Variants in MBP observed in about 807,000 individuals in gnomAD.
The protein encoded by MBP is myelin basic protein.
MBP carries 16 observed loss-of-function variants against 35.8 expected under a neutral mutation model. The ratio of observed to expected loss-of-function variants is 0.45; its 90% CI spans 0.30 to 0.68. The LOEUF is 0.68. MBP is among the 30% of genes least tolerant of loss of function. The probability of loss-of-function intolerance (pLI) is 0.08; values close to 1 mark genes in which losing one functional copy is unlikely to be tolerated. For missense variants in MBP, 380 were observed against 404.7 expected (o/e 0.94, Z 0.52); for synonymous variants, 143 against 159.6 (o/e 0.90, Z 0.78).
rs940526709 is a variant in MBP at position 77,015,110 on chromosome 18, C to G, written c.576+1722G>C. 5.1e-6 allele frequency: 5 copies of G among 982,780 alleles called. No individual in the cohort carries two copies. In the African/African-American group the frequency reaches 8.7e-5, roughly 17 times the overall value. 60.9% of individuals were successfully genotyped at this position (982,780 alleles called of 1,614,324 possible). ...TCTTACCATAAAGGAAGAAAAACAT[C>G]TATGTGTGTCAATATTGTTTTGAGA... On this transcript the variant is annotated intron_variant, in intron 4 of 8. Transcript: ENST00000355994.
Position 77,129,877 on chromosome 18 carries a change from A to G in MBP, c.-26+2703T>C, listed in dbSNP as rs568100044. Among the ~76,000 whole-genome samples, 7 of 152,060 alleles carry G rather than the reference A, an allele frequency of 4.6e-5. No individual in the cohort carries two copies. In the South Asian group the frequency reaches 1.5e-3, roughly 32 times the overall value. ...AGGCCCCATCTTTACTAAAAAACAAAAACAAACAAAAAAACGCAAAAATCA... is the reference window on the plus strand; with the variant it reads ...AGGCCCCATCTTTACTAAAAAACAAGAACAAACAAAAAAACGCAAAAATCA... On this transcript the variant is annotated intron_variant, in intron 1 of 8. Transcript: ENST00000355994.
intron 4 of MBP, among the ~76,000 whole-genome samples, chr18:76,997,687 CT>C (rs60063911): frequency 7.1e-4 from 105 of 146,878 alleles, no homozygotes; most frequent in South Asian, 1.3e-3. Context: ...ATCTGAGCCA[CT>C]TTTTTTTTTT....
intron 3 of MBP, among the ~76,000 whole-genome samples, chr18:77,057,589 C>T (rs1416870723): frequency 6.6e-6 from 1 of 152,148 alleles, no homozygotes; most frequent in Non-Finnish European, 1.5e-5. Flanking sequence ...GGAGCTCCCG[C>T]GACTGCCAGG....
At chr18:77,032,590 G>A (rs1972584958) in intron 3 of MBP, among the ~76,000 whole-genome samples, 1 of 152,244 alleles carries the variant, frequency 6.6e-6, no homozygotes, top group African/African-American at 2.4e-5. Flanking sequence ...CTGTGAGGCT[G>A]CACACACTGA....
intron 1 of MBP, among the ~76,000 whole-genome samples, chr18:77,107,304 C>A (rs145558041): frequency 5.3e-5 from 8 of 152,152 alleles, no homozygotes; most frequent in Non-Finnish European, 5.9e-5. Flanking sequence ...CTCCTATCAC[C>A]GGCTGTGTTC....
chr18:77,055,190 G>A (rs979537300), intron 3 of MBP, among the ~76,000 whole-genome samples: 5 of 152,182 alleles, frequency 3.3e-5, no homozygotes, highest in African/African-American at 9.7e-5. Flanking sequence ...AACAGCAGGC[G>A]GCTTTGCTGC....
chr18:77,016,153 GT>G (rs34095806), intron 4 of MBP: 692 of 933,324 alleles, frequency 7.4e-4, no homozygotes, highest in Non-Finnish European at 8.1e-4. Context: ...CCATAGCAGA[GT>G]TTTTTTTTTT....
At chr18:77,075,913 G>T (rs1198720271) in intron 2 of MBP, among the ~76,000 whole-genome samples, 2 of 152,204 alleles carry the variant, frequency 1.3e-5, no homozygotes, top group Non-Finnish European at 2.9e-5. Context: ...GGTCTCAGGG[G>T]ACTGTTGGCC....
chr18:77,005,758 G>A (rs510527), intron 4 of MBP: 93,976 of 152,336 alleles, frequency 0.62, 31,012 homozygotes, highest in Non-Finnish European at 0.74. Flanking sequence ...GGGCCAGCAG[G>A]GCTTTTAGAG....
intron 1 of MBP, chr18:77,112,818 G>A (rs1474832897): frequency 6.6e-6 from 1 of 152,276 alleles, no homozygotes; most frequent in Non-Finnish European, 1.5e-5. Context: ...CTGACCCCAG[G>A]ACCTGTGAAG....
rs112803501 is a variant in MBP, at chr18:77,014,578, TAAAAAC to T, written c.576+2248_576+2253del. 23 of 985,306 alleles carry T rather than the reference TAAAAAC, an allele frequency of 2.3e-5. No homozygotes were observed. The African/African-American group carries it at 3.0e-4, about 13-fold the overall frequency. The allele number at this position is 985,306 out of a possible 1,614,324, so 61.0% of individuals were successfully genotyped here. A position where few individuals can be genotyped will look rare whatever the true frequency, so the allele number is the denominator to read the frequency against. ...TTGTAAACAGAACAACAAATAAAAATAAAAACAAAACCAAAAATTCCTCCATGGCAG... is the reference window on the plus strand; with the variant it reads ...TTGTAAACAGAACAACAAATAAAAATAAAACCAAAAATTCCTCCATGGCAG... On this transcript the variant is annotated intron_variant, in intron 4 of 8. Coordinates refer to ENST00000355994, the MANE Select transcript of MBP (RefSeq NM_001025101.2).
chr18:77,041,929 TAA>T (rs11370656), intron 3 of MBP, among the ~76,000 whole-genome samples: 110 of 146,378 alleles, frequency 7.5e-4, no homozygotes, highest in African/African-American at 2.5e-3. Flanking sequence ...AAAGTATAAT[TAA>T]AAAAAAAAAA....
intron 3 of MBP, among the ~76,000 whole-genome samples, chr18:77,040,952 G>A (rs1260207814): frequency 1.3e-5 from 2 of 152,098 alleles, no homozygotes; most frequent in African/African-American, 4.8e-5. Flanking sequence ...AAACTAAAGA[G>A]CTTCTGCACA....
At chr18:77,013,725 A>G (rs1409603984) in intron 4 of MBP, 1 of 984,964 alleles carries the variant, frequency 1.0e-6, no homozygotes, top group East Asian at 1.1e-4. Flanking sequence ...GCTTTCGAAA[A>G]CCTCCCTAAA....
intron 1 of MBP, 83 bp from the exon 2 acceptor site, chr18:77,105,369 C>T (rs1337764846): frequency 2.3e-6 from 2 of 863,748 alleles, no homozygotes; most frequent in South Asian, 1.3e-5. Flanking sequence ...AAAGACAATC[C>T]TGTGATATAT....
chr18:76,981,128 T>A (rs1447030846), intron 8 of MBP: 1 of 152,676 alleles, frequency 6.5e-6, no homozygotes, highest in African/African-American at 2.4e-5. Flanking sequence ...ACAGGTGTGC[T>A]GTGGCCCACG....
chr18:77,054,108 G>A (rs1222422892), intron 3 of MBP, among the ~76,000 whole-genome samples: 3 of 152,156 alleles, frequency 2.0e-5, no homozygotes, highest in East Asian at 1.9e-4. Flanking sequence ...GTCCCTCCCC[G>A]CCCTGCCCTC....
chr18:77,099,005 G>A (rs1014561375), intron 2 of MBP, among the ~76,000 whole-genome samples: 7 of 126,746 alleles, frequency 5.5e-5, no homozygotes, highest in Admixed American at 9.0e-5. Flanking sequence ...CATCCTCCCC[G>A]TCATCCTCCT....
rs4890876 is a variant in MBP, at chr18:77,020,131, T to A, written c.140-2863A>T. Among the ~76,000 whole-genome samples the A allele has an allele frequency of 6.6e-6, 1 of 151,578 alleles. No homozygotes were observed. The highest frequency in any genetic ancestry group is 1.5e-5 in the Non-Finnish European group (1 of 67,898). On this transcript the variant is annotated intron_variant, in intron 3 of 8. Transcript: ENST00000355994. The surrounding 1 kb of genome is among the most constrained non-coding windows in gnomAD (Gnocchi z 4.1). ...GGACGGCCTCTGTGGAGGGATATGATGGAGATGGTGGTACCCAGAGGCCGG... is the reference window on the plus strand; with the variant it reads ...GGACGGCCTCTGTGGAGGGATATGAAGGAGATGGTGGTACCCAGAGGCCGG...
Sources: allele counts gnomAD v4.1 joint callset (sites outside exome capture counted in the v4.1 genomes callset), GRCh38; gene constraint gnomAD v4.1.1; non-coding constraint Gnocchi (gnomAD v3.1); transcripts MANE v1.5; gene names NCBI Gene and HGNC (gene_info 2026-07-23, HGNC 2026-07-21).